CSMD2: variants seen among roughly 807,000 people sequenced by gnomAD.
CSMD2 encodes CUB and Sushi multiple domains 2.
CSMD2 carries 130 observed loss-of-function variants against 398.5 expected under a neutral mutation model. The observed-to-expected ratio is 0.33, with a 90% CI of 0.28 to 0.38. The LOEUF is 0.38. Among genes scored for constraint, CSMD2 ranks in the 10% least tolerant of loss-of-function variants. The probability of loss-of-function intolerance (pLI) is 1.00; values close to 1 mark genes in which losing one functional copy is unlikely to be tolerated. For synonymous variants in CSMD2, 1,828 were observed against 1,908.5 expected, an observed-to-expected ratio of 0.96 and a Z score of 1.10; for missense variants, 3,829 against 4,764.9, an observed-to-expected ratio of 0.80 and a Z score of 5.78.
chr1:34,027,084 T>C (rs1649743767), intron 3 of CSMD2, among the ~76,000 whole-genome samples: 1 of 152,066 alleles, frequency 6.6e-6, no homozygotes, highest in East Asian at 1.9e-4. Flanking sequence ...AAAATTAAAA[T>C]GTAAAATGAG....
chr1:33,549,272 C>T lies in CSMD2; in HGVS notation c.8917+905G>A, dbSNP rs148097650. Among the ~76,000 whole-genome samples the T allele has an allele frequency of 1.5e-3, 230 of 152,210 alleles. 1 individual carries two copies. Among genetic ancestry groups the T allele is most frequent in the African/African-American group, 5.3e-3 (221 of 41,522 alleles). The stretch of plus-strand genomic sequence containing the variant: ...GATCCTTTCCTCTGAAGGGATCTGG[C>T]ATGGGAAGGGTTACGGGTTAATTTC... On this transcript the variant is annotated intron_variant, in intron 56 of 70. Coordinates refer to ENST00000373381, the MANE Select transcript of CSMD2 (RefSeq NM_001281956.2).
At chr1:34,031,328 G>A (rs1022572292) in intron 3 of CSMD2, among the ~76,000 whole-genome samples, 2 of 152,094 alleles carry the variant, frequency 1.3e-5, no homozygotes, top group Admixed American at 6.5e-5. Flanking sequence ...CTCCCAAAGT[G>A]CTGGGATTAC....
intron 3 of CSMD2, among the ~76,000 whole-genome samples, chr1:33,971,740 G>A (rs1645778125): frequency 6.6e-6 from 1 of 152,166 alleles, no homozygotes; most frequent in African/African-American, 2.4e-5. Flanking sequence ...TTGGGAGGTG[G>A]GTGAGAGGGG....
At chr1:34,055,422 G>A (rs776429154) in intron 2 of CSMD2, among the ~76,000 whole-genome samples, 4 of 152,102 alleles carry the variant, frequency 2.6e-5, no homozygotes, top group Non-Finnish European at 4.4e-5. Flanking sequence ...TCACAAGACT[G>A]CCTCCCACCG....
intron 3 of CSMD2, among the ~76,000 whole-genome samples, chr1:34,007,693 T>A (rs1270161292): frequency 6.6e-6 from 1 of 152,146 alleles, no homozygotes; most frequent in Admixed American, 6.5e-5. Context: ...GTAGAAACAA[T>A]CTAAATTTAA....
chr1:33,916,749 C>T (rs1643742535), intron 5 of CSMD2, among the ~76,000 whole-genome samples: 1 of 152,118 alleles, frequency 6.6e-6, no homozygotes, highest in South Asian at 2.1e-4. Context: ...AATCCATTCC[C>T]CCTTTATCCC....
chr1:33,642,536 C>T (rs1400483907), intron 29 of CSMD2, among the ~76,000 whole-genome samples: 3 of 152,074 alleles, frequency 2.0e-5, no homozygotes, highest in South Asian at 2.1e-4. Flanking sequence ...TTCTGGAGTG[C>T]GGATGATGGT....
intron 11 of CSMD2, among the ~76,000 whole-genome samples, chr1:33,790,374 G>C (rs1654083397): frequency 6.6e-6 from 1 of 152,132 alleles, no homozygotes; most frequent in South Asian, 2.1e-4. Context: ...ATCAGTTGAA[G>C]GGCCAAACAG....
At chr1:33,744,617 G>T (rs924283804) in intron 13 of CSMD2, among the ~76,000 whole-genome samples, 1 of 151,806 alleles carries the variant, frequency 6.6e-6, no homozygotes, top group Non-Finnish European at 1.5e-5. Context: ...AATTATAAAA[G>T]AAAATAATAA....
At chr1:33,546,818 C>T (rs758624939) in intron 56 of CSMD2, among the ~76,000 whole-genome samples, 11 of 151,998 alleles carry the variant, frequency 7.2e-5, no homozygotes, top group South Asian at 2.1e-4. Context: ...CTTAGCATAG[C>T]TTCATTTCTT....
intron 53 of CSMD2, among the ~76,000 whole-genome samples, chr1:33,565,383 G>C (rs1658961642): frequency 6.6e-6 from 1 of 151,810 alleles, no homozygotes; most frequent in Admixed American, 6.6e-5. Context: ...GGTTCTGCAA[G>C]ACAAAAGAAA....
chr1:34,134,208 C>A (rs1638478134), intron 1 of CSMD2, among the ~76,000 whole-genome samples: 1 of 152,102 alleles, frequency 6.6e-6, no homozygotes, highest in African/African-American at 2.4e-5. Flanking sequence ...GTTTGCCTGA[C>A]AACAGCCAAC....
chr1:34,012,013 G>A (rs753619853), intron 3 of CSMD2, among the ~76,000 whole-genome samples: 1 of 152,156 alleles, frequency 6.6e-6, no homozygotes, highest in African/African-American at 2.4e-5. Flanking sequence ...TATAAACATC[G>A]CTTTGAGTGG....
chr1:33,980,756 A>G (rs1321421682), intron 3 of CSMD2, among the ~76,000 whole-genome samples: 1 of 152,204 alleles, frequency 6.6e-6, no homozygotes, highest in Non-Finnish European at 1.5e-5. Flanking sequence ...AAAGCCCAAC[A>G]AGTATATGCA....
intron 28 of CSMD2, among the ~76,000 whole-genome samples, chr1:33,649,227 T>G (rs893207868): frequency 3.3e-5 from 5 of 152,162 alleles, no homozygotes; most frequent in African/African-American, 9.7e-5. Flanking sequence ...AGATGCAAAT[T>G]TGCTCCTGCC....
chr1:33,979,921 T>C (rs1351700085), intron 3 of CSMD2, among the ~76,000 whole-genome samples: 1 of 152,184 alleles, frequency 6.6e-6, no homozygotes, highest in Non-Finnish European at 1.5e-5. Flanking sequence ...TTATAAAGAT[T>C]GACTATTGTT....
intron 2 of CSMD2, among the ~76,000 whole-genome samples, chr1:34,079,146 G>A (rs1656764064): frequency 6.6e-6 from 1 of 152,086 alleles, no homozygotes; most frequent in African/African-American, 2.4e-5. Flanking sequence ...AAAACCTACA[G>A]ATAACATCAT....
chr1:33,867,785 T>G (rs1640147202), intron 5 of CSMD2, among the ~76,000 whole-genome samples: 1 of 152,136 alleles, frequency 6.6e-6, no homozygotes, highest in African/African-American at 2.4e-5. Flanking sequence ...TTGGGTTGTC[T>G]TGTTTCCAGC....
chr1:33,757,630 C>A (rs1649225014), intron 13 of CSMD2, among the ~76,000 whole-genome samples: 1 of 152,188 alleles, frequency 6.6e-6, no homozygotes, highest in African/African-American at 2.4e-5. Context: ...TGAGGCAAAA[C>A]TGTCTGATGT....
Sources: gnomAD v4.1 joint callset for allele counts (sites outside exome capture counted in the v4.1 genomes callset) on GRCh38, gnomAD v4.1.1 for gene constraint, MANE v1.5 for transcripts, NCBI Gene and HGNC (gene_info 2026-07-23, HGNC 2026-07-21) for gene names.